Variants in CPQ observed in about 807,000 individuals in gnomAD.
CPQ encodes the protein Ser-Met dipeptidase.
In CPQ, 37 loss-of-function variants were observed where a neutral mutation model predicts 45.7. The observed-to-expected ratio is 0.81, with a 90% CI of 0.62 to 1.07. The LOEUF is 1.07. CPQ is among the 50% of genes least tolerant of loss of function. CPQ has a pLI of 0.00. For missense variants in CPQ, 537 were observed against 572.9 expected (o/e 0.94, Z 0.64); for synonymous variants, 186 against 205.8 (o/e 0.90, Z 0.82).
At chr8:96,699,872 T>C (rs1232298684) in intron 1 of CPQ, among the ~76,000 whole-genome samples, 2 of 152,142 alleles carry the variant, frequency 1.3e-5, no homozygotes, top group Admixed American at 1.3e-4. Context: ...TTTCCTATCA[T>C]TTCCCAATTG....
At chr8:97,111,339 T>G (rs1811494960) in intron 7 of CPQ, among the ~76,000 whole-genome samples, 1 of 152,194 alleles carries the variant, frequency 6.6e-6, no homozygotes, top group African/African-American at 2.4e-5. Context: ...CTGTAGTAAC[T>G]CTTCTCTCCC....
chr8:97,075,995 TTTTA>T (rs1412934452), intron 7 of CPQ, among the ~76,000 whole-genome samples: 2 of 152,132 alleles, frequency 1.3e-5, no homozygotes, highest in African/African-American at 2.4e-5. Flanking sequence ...AAGGACTTGG[TTTTA>T]TTTGTTTTTG....
chr8:96,806,612 G>A (rs1432439801), intron 2 of CPQ, among the ~76,000 whole-genome samples: 2 of 152,148 alleles, frequency 1.3e-5, no homozygotes, highest in Non-Finnish European at 2.9e-5. Context: ...ATTAAACAAC[G>A]TTGAATTTAA....
chr8:96,823,769 T>A (rs1811341054), intron 2 of CPQ, among the ~76,000 whole-genome samples: 1 of 152,016 alleles, frequency 6.6e-6, no homozygotes, highest in Admixed American at 6.6e-5. Context: ...ATCCACTGAG[T>A]TAATGTAAGT....
chr8:97,142,795 G>A (rs1293935053), intron 7 of CPQ, among the ~76,000 whole-genome samples: 2 of 152,136 alleles, frequency 1.3e-5, no homozygotes, highest in African/African-American at 2.4e-5. Context: ...CTTTGTCAAC[G>A]AAGTTAAAGG....
chr8:96,841,145 CG>C (rs1191371904), intron 3 of CPQ, among the ~76,000 whole-genome samples: 12 of 151,984 alleles, frequency 7.9e-5, no homozygotes, highest in African/African-American at 2.9e-4. Flanking sequence ...ATGTAGGGGT[CG>C]GGAGAGGGAG....
intron 5 of CPQ, among the ~76,000 whole-genome samples, chr8:97,024,632 G>C (rs114543186): frequency 6.6e-6 from 1 of 152,002 alleles, no homozygotes; most frequent in African/African-American, 2.4e-5. Context: ...TAAATTATAC[G>C]ACAGATTATG....
intron 4 of CPQ, among the ~76,000 whole-genome samples, chr8:96,888,528 G>T (rs187260194): frequency 3.5e-4 from 54 of 152,292 alleles, no homozygotes; most frequent in Middle Eastern, 3.4e-3. Context: ...TTCTAAAGCT[G>T]GTGCTGGAGA....
At chr8:96,896,959 A>G (rs1812450380) in intron 4 of CPQ, among the ~76,000 whole-genome samples, 1 of 152,176 alleles carries the variant, frequency 6.6e-6, no homozygotes, top group Non-Finnish European at 1.5e-5. Context: ...TGGTTTCCAT[A>G]TTGGATTATC....
intron 5 of CPQ, among the ~76,000 whole-genome samples, chr8:96,981,851 C>A (rs994281120): frequency 6.6e-6 from 1 of 152,138 alleles, no homozygotes; most frequent in Non-Finnish European, 1.5e-5. Context: ...TTACCATGAT[C>A]TTTTTAAATC....
chr8:96,995,259 T>C (rs1038847760), intron 5 of CPQ, among the ~76,000 whole-genome samples: 17 of 152,078 alleles, frequency 1.1e-4, no homozygotes, highest in East Asian at 9.6e-4. Flanking sequence ...ATTTATAAAG[T>C]TTATAAGAGG....
chr8:96,971,356 T>C (rs946218153), intron 5 of CPQ, among the ~76,000 whole-genome samples: 2 of 152,380 alleles, frequency 1.3e-5, no homozygotes, highest in South Asian at 4.1e-4. Flanking sequence ...AACTAACTTT[T>C]TATCCACACT....
At chr8:96,847,669 G>A (rs1811713917) in intron 3 of CPQ, among the ~76,000 whole-genome samples, 1 of 151,962 alleles carries the variant, frequency 6.6e-6, no homozygotes, top group Non-Finnish European at 1.5e-5. Flanking sequence ...CATGAGCTTT[G>A]GGGTAATAAT....
intron 1 of CPQ, among the ~76,000 whole-genome samples, chr8:96,773,134 G>A (rs1489731083): frequency 6.6e-6 from 1 of 152,136 alleles, no homozygotes; most frequent in Admixed American, 6.6e-5. Context: ...TGCAGGAAAA[G>A]TGATTGTTAA....
intron 3 of CPQ, among the ~76,000 whole-genome samples, chr8:96,837,229 T>A (rs1356876754): frequency 6.6e-6 from 1 of 152,240 alleles, no homozygotes; most frequent in African/African-American, 2.4e-5. Flanking sequence ...TCTAGCTTAT[T>A]GTTTTTAGAA....
intron 4 of CPQ, among the ~76,000 whole-genome samples, chr8:96,939,616 A>G (rs1813099788): frequency 6.6e-6 from 1 of 152,076 alleles, no homozygotes; most frequent in South Asian, 2.1e-4. Flanking sequence ...CTTTTTTAAC[A>G]TAGCATTCAT....
chr8:97,082,323 A>G (rs537873790), intron 7 of CPQ, among the ~76,000 whole-genome samples: 1 of 152,282 alleles, frequency 6.6e-6, no homozygotes, highest in South Asian at 2.1e-4. Context: ...AGCACAGAAC[A>G]GGCAAAAAAT....
At chr8:96,908,500 C>A (rs1021434728) in intron 4 of CPQ, among the ~76,000 whole-genome samples, 2 of 152,060 alleles carry the variant, frequency 1.3e-5, no homozygotes, top group Admixed American at 6.6e-5. Context: ...GCCATGGGAA[C>A]TGGATCCCTA....
At chr8:96,843,063 G>T (rs914761252) in intron 3 of CPQ, among the ~76,000 whole-genome samples, 1 of 151,904 alleles carries the variant, frequency 6.6e-6, no homozygotes, top group Non-Finnish European at 1.5e-5. Context: ...CCGCCACCAC[G>T]TCCAGCTAAT....
Sources: gnomAD v4.1 joint callset for allele counts (sites outside exome capture counted in the v4.1 genomes callset) on GRCh38, gnomAD v4.1.1 for gene constraint, MANE v1.5 for transcripts, NCBI Gene and HGNC (gene_info 2026-07-23, HGNC 2026-07-21) for gene names.